ARFGAP3: variants seen among roughly 807,000 people sequenced by gnomAD.
ARFGAP3 encodes the protein ARF GTPase activating protein 3.
Under a neutral mutation model 75.0 loss-of-function variants are expected in ARFGAP3, and 72 were observed. The ratio of observed to expected loss-of-function variants is 0.96; its 90% CI spans 0.79 to 1.17. ARFGAP3 has a LOEUF of 1.17. Ranked by LOEUF, ARFGAP3 falls within the 50% of genes most tolerant of loss-of-function variation. The pLI is 0.00. For synonymous variants in ARFGAP3, 221 were observed against 217.9 expected, an observed-to-expected ratio of 1.01 and a Z score of -0.13; for missense variants, 620 against 626.6, an observed-to-expected ratio of 0.99 and a Z score of 0.11.
chr22:42,849,604 C>T (rs974145694), intron 1 of ARFGAP3, among the ~76,000 whole-genome samples: 1 of 146,542 alleles, frequency 6.8e-6, no homozygotes, highest in Non-Finnish European at 1.5e-5. Context: ...GGCTCTGTCA[C>T]CTAGGTTGGA....
At chr22:42,817,485 G>A (rs1223382585) in intron 10 of ARFGAP3, 1 of 246,878 alleles carries the variant, frequency 4.1e-6, no homozygotes, top group African/African-American at 2.3e-5. Context: ...TATTGGTTAT[G>A]TCCATGGTTT....
intron 6 of ARFGAP3, 85 bp from the exon 7 acceptor site, chr22:42,827,084 T>C: frequency 1.4e-6 from 2 of 1,474,024 alleles, no homozygotes; most frequent in African/African-American, 2.5e-5. Context: ...ACTTGCTCAG[T>C]GCTACATCTT....
chr22:42,817,311 T>A, intron 10 of ARFGAP3, 47 bp from the exon 11 acceptor site: 2 of 1,550,352 alleles, frequency 1.3e-6, no homozygotes, highest in Non-Finnish European at 8.7e-7. Context: ...CACAAACTTT[T>A]GTTTCACCAA....
intron 9 of ARFGAP3, 149 bp downstream of exon 9, chr22:42,822,121 G>C (rs1374396508): frequency 1.5e-6 from 1 of 661,986 alleles, no homozygotes; most frequent in African/African-American, 1.8e-5. Context: ...CAATCCACAT[G>C]CCAATGCAAT....
chr22:42,844,509 C>T (rs1364184308), intron 2 of ARFGAP3, among the ~76,000 whole-genome samples: 3 of 150,780 alleles, frequency 2.0e-5, no homozygotes, highest in Non-Finnish European at 2.9e-5. Context: ...TGCTTGAACC[C>T]GGGAGGCGGA....
chr22:42,850,923 C>T (rs1252317319), intron 1 of ARFGAP3, among the ~76,000 whole-genome samples: 1 of 152,232 alleles, frequency 6.6e-6, no homozygotes, highest in African/African-American at 2.4e-5. Flanking sequence ...TGGTGCTAGT[C>T]TTTAAAGAGC....
chr22:42,813,976 C>T (rs1925476707), intron 11 of ARFGAP3, among the ~76,000 whole-genome samples: 1 of 152,142 alleles, frequency 6.6e-6, no homozygotes, highest in Admixed American at 6.5e-5. Flanking sequence ...CCTTAAAATC[C>T]CTTGATAAGA....
At position 42,797,346 on chromosome 22, in the gene ARFGAP3, T is replaced by C; in HGVS notation, c.*242A>G. The C allele has an allele frequency of 3.5e-6, 2 of 579,488 alleles. No homozygotes were observed. The highest frequency in any genetic ancestry group is 6.1e-6 in the Non-Finnish European group (2 of 328,902). The allele number at this position is 579,488 out of a possible 1,614,324, so 35.9% of individuals were successfully genotyped here. On this transcript the variant is annotated 3_prime_UTR_variant, in exon 16 of 16. Transcript: ENST00000263245. ...AGGTTCCAAGAAAATAAAGCAAGGA[T>C]ATACACAGAGACGCCAAAGGAGGGT... is the stretch of plus-strand genomic sequence containing the variant.
intron 7 of ARFGAP3, among the ~76,000 whole-genome samples, chr22:42,824,076 T>A (rs960410016): frequency 6.6e-6 from 1 of 150,848 alleles, no homozygotes; most frequent in Admixed American, 6.6e-5. Flanking sequence ...TCACCTTAGC[T>A]GAGTGCAGTG....
intron 1 of ARFGAP3, among the ~76,000 whole-genome samples, chr22:42,852,368 CT>C (rs893000344): frequency 1.7e-4 from 26 of 149,350 alleles, no homozygotes; most frequent in Middle Eastern, 3.6e-3. Context: ...TCTTGAAATT[CT>C]TTTTTTTTGA....
intron 12 of ARFGAP3, among the ~76,000 whole-genome samples, chr22:42,809,774 C>A (rs566844810): frequency 6.6e-6 from 1 of 151,980 alleles, no homozygotes; most frequent in East Asian, 1.9e-4. Context: ...GAGGCCAAGA[C>A]GGGTGGATCA....
chr22:42,857,255 G>A lies in ARFGAP3; in HGVS notation c.-73C>T, dbSNP rs1320738104. ...TCGACGAAAAGCGGCTACCGCCTCAGCAGGAGCGACGAGGCCGCGGGGGCG... is the reference window on the plus strand; with the variant it reads ...TCGACGAAAAGCGGCTACCGCCTCAACAGGAGCGACGAGGCCGCGGGGGCG... On this transcript the variant is annotated 5_prime_UTR_variant, in exon 1 of 16. Transcript: ENST00000263245. 4 of 1,477,190 alleles carry A rather than the reference G, an allele frequency of 2.7e-6. No homozygotes were observed. Among genetic ancestry groups the A allele is most frequent in the Non-Finnish European group, 3.6e-6 (4 of 1,108,384 alleles). 91.5% of individuals were successfully genotyped at this position (1,477,190 alleles called of 1,614,324 possible).
At chr22:42,841,577 TGAAACAAGTAAAGGCAGTGAGTA>T (rs1926781890) in intron 2 of ARFGAP3, among the ~76,000 whole-genome samples, 1 of 152,126 alleles carries the variant, frequency 6.6e-6, no homozygotes, top group South Asian at 2.1e-4. Context: ...AGATCAAATC[TGAAACAAGTAAAGGCAGTGAGTA>T]TAGCCTCAAC....
intron 3 of ARFGAP3, among the ~76,000 whole-genome samples, chr22:42,837,272 G>A (rs1389465134): frequency 6.6e-6 from 1 of 152,048 alleles, no homozygotes; most frequent in African/African-American, 2.4e-5. Context: ...GACCAACCTG[G>A]GAACCAAAGT....
At chr22:42,851,797 T>G (rs1022067267) in intron 1 of ARFGAP3, among the ~76,000 whole-genome samples, 1 of 152,210 alleles carries the variant, frequency 6.6e-6, no homozygotes, top group Admixed American at 6.5e-5. Context: ...GACTGACAAT[T>G]TGTTTTGTTT....
intron 5 of ARFGAP3, 109 bp from the exon 6 acceptor site, chr22:42,831,745 C>A: frequency 6.5e-7 from 1 of 1,540,288 alleles, no homozygotes; most frequent in Admixed American, 2.2e-5. Flanking sequence ...CATTCTGAGT[C>A]CCTGTTAATG....
At chr22:42,818,937 C>T (rs187786456) in intron 9 of ARFGAP3, among the ~76,000 whole-genome samples, 51 of 151,390 alleles carry the variant, frequency 3.4e-4, no homozygotes, top group East Asian at 5.8e-4. Flanking sequence ...CTCAGCCTCC[C>T]GAGTAGCTGG....
intron 3 of ARFGAP3, among the ~76,000 whole-genome samples, chr22:42,835,980 C>CTTTTTTTTT (rs545758118): frequency 1.1e-4 from 12 of 105,738 alleles, no homozygotes; most frequent in Non-Finnish European, 1.5e-4. Flanking sequence ...CCATTTCTTT[C>CTTTTTTTTT]TTTTTTTTTT....
Position 42,854,997 on chromosome 22 carries a change from G to A in ARFGAP3, c.69+2117C>T, listed in dbSNP as rs142904605. Among the ~76,000 whole-genome samples, 105 of 152,324 alleles carry A rather than the reference G, an allele frequency of 6.9e-4. 1 individual carries two copies. In the East Asian group the frequency reaches 0.019, roughly 27 times the overall value. ...TGTGTTCTTCATCATAAAAACAGCT[G>A]CCATTTATTGAAGACTATTATATGC... On this transcript the variant is annotated intron_variant, in intron 1 of 15. Coordinates refer to ENST00000263245, the MANE Select transcript of ARFGAP3 (RefSeq NM_014570.5).
Sources: gnomAD v4.1 joint callset for allele counts (sites outside exome capture counted in the v4.1 genomes callset) on GRCh38, gnomAD v4.1.1 for gene constraint, MANE v1.5 for transcripts, NCBI Gene and HGNC (gene_info 2026-07-23, HGNC 2026-07-21) for gene names.